Variants in SLC44A5 observed in about 807,000 individuals in gnomAD.
SLC44A5 encodes the protein solute carrier family 44 member 5, also known as choline transporter-like protein 5.
Under a neutral mutation model 101.8 loss-of-function variants are expected in SLC44A5, and 57 were observed. The observed-to-expected ratio is 0.56, with a 90% confidence interval of 0.45 to 0.70. SLC44A5 has a LOEUF of 0.70. Among genes scored for constraint, SLC44A5 ranks in the 30% least tolerant of loss-of-function variants. SLC44A5 has a pLI of 0.00. For synonymous variants in SLC44A5, 281 were observed against 290.9 expected (o/e 0.97, Z 0.35); for missense variants, 737 against 853.1 (o/e 0.86, Z 1.70).
At chr1:75,715,022 A>C in the SLC44A5 span, among the ~76,000 whole-genome samples, 3 of 152,200 alleles carry the variant, frequency 2.0e-5, no homozygotes, top group South Asian at 6.2e-4. Context: ...CTGACAGCCA[A>C]ATCAAGAATG....
chr1:75,402,469 C>T, intron 2 of SLC44A5: 1 of 391,692 alleles, frequency 2.6e-6, no homozygotes, highest in Non-Finnish European at 5.3e-6. Context: ...GTGATTTCTG[C>T]ATTTTGAACT....
chr1:75,316,551 A>C (rs2100936879), intron 4 of SLC44A5, among the ~76,000 whole-genome samples: 1 of 152,340 alleles, frequency 6.6e-6, no homozygotes, highest in East Asian at 1.9e-4. Context: ...TGAATACGGG[A>C]AACTTCAGGG....
At chr1:75,522,634 ATG>A (rs1336436346) in intron 2 of SLC44A5, among the ~76,000 whole-genome samples, 1 of 152,146 alleles carries the variant, frequency 6.6e-6, no homozygotes, top group Non-Finnish European at 1.5e-5. Context: ...CTTTAGTCAT[ATG>A]CATAATGGCT....
chr1:75,708,413 CAAAAAAAAAAAAAAA>C, the SLC44A5 span, among the ~76,000 whole-genome samples: 6 of 39,070 alleles, frequency 1.5e-4, no homozygotes, highest in South Asian at 2.1e-3. Context: ...GACTCCGTCT[CAAAAAAAAAAAAAAA>C]AAAAAAAAAA....
the SLC44A5 span, among the ~76,000 whole-genome samples, chr1:75,618,766 A>G: frequency 0.012 from 1,867 of 152,210 alleles, 38 homozygotes; most frequent in African/African-American, 0.044. Flanking sequence ...AACATATCCA[A>G]ACATAGAAAA....
At chr1:75,643,453 T>C in the SLC44A5 span, among the ~76,000 whole-genome samples, 1 of 152,190 alleles carries the variant, frequency 6.6e-6, no homozygotes, top group Non-Finnish European at 1.5e-5. Flanking sequence ...ATATATCTTA[T>C]TCATTTACAT....
At chr1:75,502,896 G>T (rs1570464914) in intron 2 of SLC44A5, among the ~76,000 whole-genome samples, 1 of 152,178 alleles carries the variant, frequency 6.6e-6, no homozygotes, top group African/African-American at 2.4e-5. Context: ...GCTCCGCCTT[G>T]CTGAGCTAGC....
At chr1:75,499,987 CTATCTGGCTGTCAA>C (rs1310073199) in intron 2 of SLC44A5, among the ~76,000 whole-genome samples, 6 of 152,272 alleles carry the variant, frequency 3.9e-5, no homozygotes, top group African/African-American at 1.4e-4. Context: ...CTCCCATCCA[CTATCTGGCTGTCAA>C]TGCCCACGTG....
chr1:75,626,596 T>C, the SLC44A5 span, among the ~76,000 whole-genome samples: 5 of 152,170 alleles, frequency 3.3e-5, no homozygotes, highest in African/African-American at 1.2e-4. Context: ...TTTGCTTTCT[T>C]TTCCATGTAC....
At chr1:75,386,801 T>C (rs1232678997) in intron 3 of SLC44A5, among the ~76,000 whole-genome samples, 1 of 152,060 alleles carries the variant, frequency 6.6e-6, no homozygotes, top group South Asian at 2.1e-4. Flanking sequence ...ACTACCTGAC[T>C]TCAAACTATA....
At chr1:75,482,804 T>C (rs1308176635) in intron 2 of SLC44A5, among the ~76,000 whole-genome samples, 1 of 152,198 alleles carries the variant, frequency 6.6e-6, no homozygotes, top group Admixed American at 6.5e-5. Context: ...AAAGTAAAGA[T>C]AAGTTTCAAT....
chr1:75,238,391 T>C (rs1193780094), intron 10 of SLC44A5, 122 bp downstream of exon 10: 1 of 94,050 alleles, frequency 1.1e-5, no homozygotes, highest in Non-Finnish European at 2.1e-5. Flanking sequence ...ATTTCATATA[T>C]ATATATATAT....
At chr1:75,379,393 T>TCAA (rs1239420655) in intron 3 of SLC44A5, among the ~76,000 whole-genome samples, 5 of 51,308 alleles carry the variant, frequency 9.7e-5, no homozygotes, top group Non-Finnish European at 1.5e-4. Flanking sequence ...TAGGAATAGG[T>TCAA]CAAAATTGGA....
chr1:75,396,840 G>T (rs1009668619), intron 2 of SLC44A5, among the ~76,000 whole-genome samples: 6 of 152,126 alleles, frequency 3.9e-5, no homozygotes, highest in Non-Finnish European at 8.8e-5. Flanking sequence ...TCATGAAGGT[G>T]CTGGAGGTAA....
chr1:75,255,142 T>C (rs892385421), intron 6 of SLC44A5, among the ~76,000 whole-genome samples: 1 of 152,102 alleles, frequency 6.6e-6, no homozygotes, highest in African/African-American at 2.4e-5. Context: ...CTTGGTAAGA[T>C]GACTGACTAA....
At chr1:75,657,263 A>G in the SLC44A5 span, among the ~76,000 whole-genome samples, 9 of 152,320 alleles carry the variant, frequency 5.9e-5, no homozygotes, top group South Asian at 6.2e-4. Flanking sequence ...ATGAAAGTGA[A>G]GAGGGCCAGA....
chr1:75,304,377 T>G (rs1269097967), intron 4 of SLC44A5, among the ~76,000 whole-genome samples: 1 of 152,078 alleles, frequency 6.6e-6, no homozygotes, highest in African/African-American at 2.4e-5. Flanking sequence ...TTTATCTGCT[T>G]CTCTCCCTTT....
chr1:75,312,086 G>A (rs994260923), intron 4 of SLC44A5, among the ~76,000 whole-genome samples: 2 of 152,108 alleles, frequency 1.3e-5, no homozygotes, highest in African/African-American at 4.8e-5. Context: ...CTGTCCTCAT[G>A]GTAATGAGTA....
At chr1:75,218,417 T>A (rs72682021) in intron 17 of SLC44A5, 73 bp downstream of exon 17, 8 of 1,547,184 alleles carry the variant, frequency 5.2e-6, no homozygotes, top group Non-Finnish European at 7.0e-6. Context: ...CTTGAATTAA[T>A]GAGCCAAGAC....
Sources: allele counts gnomAD v4.1 joint callset (sites outside exome capture counted in the v4.1 genomes callset), GRCh38; gene constraint gnomAD v4.1.1; transcripts MANE v1.5; gene names NCBI Gene and HGNC (gene_info 2026-07-23, HGNC 2026-07-21).